Variants in CHRM3 observed in about 807,000 individuals in gnomAD.
CHRM3 encodes the protein cholinergic receptor muscarinic 3.
CHRM3 carries 11 observed loss-of-function variants against 41.8 expected under a neutral mutation model. The observed-to-expected ratio is 0.26, with a 90% CI of 0.17 to 0.44. The LOEUF is 0.44. Among genes scored for constraint, CHRM3 ranks in the 20% least tolerant of loss-of-function variants. The pLI is 1.00. For missense variants in CHRM3, 571 were observed against 745.4 expected, an observed-to-expected ratio of 0.77 and a Z score of 2.72; for synonymous variants, 297 against 301.4, an observed-to-expected ratio of 0.99 and a Z score of 0.15.
intron 5 of CHRM3, among the ~76,000 whole-genome samples, chr1:239,688,503 T>C (rs1263738936): frequency 7.1e-6 from 1 of 140,718 alleles, no homozygotes; most frequent in East Asian, 2.0e-4. Context: ...ATATATATTA[T>C]ATATGTTTAA....
At position 239,531,639 on chromosome 1, in the gene CHRM3, A is replaced by ATTTTTTTTTTTTTT. The variant is rs58433814; in HGVS notation, c.-421-13978_-421-13965dup. Among the ~76,000 whole-genome samples the ATTTTTTTTTTTTTT allele has an allele frequency of 5.4e-5, 3 of 55,900 alleles. 1 individual carries two copies. The highest frequency in any genetic ancestry group is 1.8e-4 in the African/African-American group (2 of 11,330). 36.7% of individuals were successfully genotyped at this position (55,900 alleles called of 152,430 possible). On this transcript the variant is annotated intron_variant, in intron 2 of 6. Transcript: ENST00000676153. ...ATAAAAACTAATCTCTCTAGAATGGATTTTTTTTTTTTTTTTTTTTTTTTT... is the reference window on the plus strand; with the variant it reads ...ATAAAAACTAATCTCTCTAGAATGGATTTTTTTTTTTTTTTTTTTTTTTTTTTTTTTTTTTTTTT...
At position 239,783,375 on chromosome 1, in the gene CHRM3, G is replaced by A. The variant is rs60809450; in HGVS notation, c.-146-43877G>A. ...TGGGAAAATACATATTATTATGTAT[G>A]TGTATCTATGTTGAAAATAGAATGG... On this transcript the variant is annotated intron_variant, in intron 5 of 6. Transcript: ENST00000676153. Among the ~76,000 whole-genome samples, 1,425 of 152,200 alleles carry A rather than the reference G, an allele frequency of 9.4e-3. 20 individuals are homozygous for A. The highest frequency in any genetic ancestry group is 0.032 in the African/African-American group (1,318 of 41,540).
intron 4 of CHRM3, among the ~76,000 whole-genome samples, chr1:239,642,409 G>A (rs1330990837): frequency 1.3e-5 from 2 of 152,120 alleles, no homozygotes; most frequent in Non-Finnish European, 2.9e-5. Context: ...ACACCAATCA[G>A]ATGTAGATTT....
chr1:239,490,017 A>T (rs150674064), intron 1 of CHRM3, among the ~76,000 whole-genome samples: 55 of 152,348 alleles, frequency 3.6e-4, no homozygotes, highest in African/African-American at 1.3e-3. Flanking sequence ...TGGGAACTTC[A>T]GCAAGTTATC....
Position 239,570,013 on chromosome 1 carries a change from G to A in CHRM3, c.-313+24264G>A, listed in dbSNP as rs182823394. On this transcript the variant is annotated intron_variant, in intron 3 of 6. Transcript: ENST00000676153. ...GATATTTATGTTTTTTTAAAAAACA[G>A]CAACAACAACAACAAAAGAAAGTTC... Among the ~76,000 whole-genome samples, 31 of 152,168 alleles carry A rather than the reference G, an allele frequency of 2.0e-4. No individual in the cohort carries two copies. In the Middle Eastern group the frequency reaches 0.01, roughly 50 times the overall value.
intron 6 of CHRM3, among the ~76,000 whole-genome samples, chr1:239,877,847 G>C (rs1278006953): frequency 6.6e-6 from 1 of 151,754 alleles, no homozygotes; most frequent in Non-Finnish European, 1.5e-5. Flanking sequence ...GTGGTTTCTG[G>C]ATGATTCAAG....
intron 2 of CHRM3, among the ~76,000 whole-genome samples, chr1:239,493,085 C>A (rs1667658829): frequency 6.6e-6 from 1 of 152,024 alleles, no homozygotes; most frequent in Non-Finnish European, 1.5e-5. Flanking sequence ...GAAGTTAGGC[C>A]ACAGATTTAG....
At chr1:239,840,791 T>C (rs1426764022) in intron 6 of CHRM3, among the ~76,000 whole-genome samples, 1 of 152,202 alleles carries the variant, frequency 6.6e-6, no homozygotes, top group African/African-American at 2.4e-5. Context: ...AGGGTTACCA[T>C]GGTGTTTTCT....
intron 5 of CHRM3, among the ~76,000 whole-genome samples, chr1:239,739,999 A>AT: frequency 6.6e-6 from 1 of 152,106 alleles, no homozygotes; most frequent in East Asian, 1.9e-4. Context: ...TGGAATGCAT[A>AT]TGCTAGCTTT....
At chr1:239,716,362 A>G (rs928407620) in intron 5 of CHRM3, among the ~76,000 whole-genome samples, 4 of 152,100 alleles carry the variant, frequency 2.6e-5, no homozygotes, top group African/African-American at 9.7e-5. Flanking sequence ...TGGGGTCTCC[A>G]TGATTGTGAC....
intron 1 of CHRM3, among the ~76,000 whole-genome samples, chr1:239,490,759 T>C (rs1363706115): frequency 1.3e-5 from 2 of 151,972 alleles, no homozygotes; most frequent in African/African-American, 4.8e-5. Flanking sequence ...TATTTTATAT[T>C]TATTTGAGAC....
intron 5 of CHRM3, among the ~76,000 whole-genome samples, chr1:239,815,061 C>G (rs549588352): frequency 6.6e-6 from 1 of 152,332 alleles, no homozygotes; most frequent in East Asian, 1.9e-4. Context: ...CAGGCATGAG[C>G]CACCATGCCC....
rs1680556065 is a variant in CHRM3, at chr1:239,914,768, C to G, written c.*5544C>G. ...GTGCAAGTGAAGATCTGTAGTTTGG[C>G]TTAAAAATCCTTGCATGTAGTTTTG... On this transcript the variant is annotated 3_prime_UTR_variant, in exon 7 of 7. Transcript: ENST00000676153. 1 of 167,078 alleles carries G rather than the reference C, an allele frequency of 6.0e-6. No individual in the cohort carries two copies. The highest frequency in any genetic ancestry group is 1.9e-4 in the East Asian group (1 of 5,190). The allele number at this position is 167,078 out of a possible 1,614,324, so 10.3% of individuals were successfully genotyped here.
At position 239,714,768 on chromosome 1, in the gene CHRM3, G is replaced by A. The variant is rs140660921; in HGVS notation, c.-147+36480G>A. Among the ~76,000 whole-genome samples the A allele has an allele frequency of 9.0e-3, 1,364 of 152,230 alleles. 18 individuals carry two copies. Among genetic ancestry groups the A allele is most frequent in the African/African-American group, 0.031 (1,293 of 41,526 alleles). On this transcript the variant is annotated intron_variant, in intron 5 of 6. Transcript: ENST00000676153. ...ACTGAGGGGCAGGAGAACCAGAGTA[G>A]GTGAGGTGACAAGGAAGGAGGCAAA...
At chr1:239,869,120 C>G (rs144713656) in intron 6 of CHRM3, among the ~76,000 whole-genome samples, 1 of 152,056 alleles carries the variant, frequency 6.6e-6, no homozygotes, top group Non-Finnish European at 1.5e-5. Flanking sequence ...GTTTGCCCCA[C>G]GCTGAAACAG....
At chr1:239,708,964 G>A (rs1661486762) in intron 5 of CHRM3, among the ~76,000 whole-genome samples, 1 of 151,446 alleles carries the variant, frequency 6.6e-6, no homozygotes, top group African/African-American at 2.4e-5. Context: ...TGTTTAGGGG[G>A]TAAAAGCTTT....
chr1:239,441,146 G>C (rs1371094588), intron 1 of CHRM3, among the ~76,000 whole-genome samples: 1 of 152,098 alleles, frequency 6.6e-6, no homozygotes, highest in African/African-American at 2.4e-5. Flanking sequence ...ATGATTTAAG[G>C]TACGCATCAT....
intron 1 of CHRM3, among the ~76,000 whole-genome samples, chr1:239,393,077 T>G (rs550623463): frequency 1.3e-5 from 2 of 152,214 alleles, no homozygotes; most frequent in South Asian, 4.1e-4. Flanking sequence ...GGAAGATCAC[T>G]TGAGGCCAGG....
chr1:239,605,205 C>T (rs1296967424), intron 3 of CHRM3, among the ~76,000 whole-genome samples: 1 of 152,114 alleles, frequency 6.6e-6, no homozygotes, highest in East Asian at 1.9e-4. Context: ...CAGTTATGTG[C>T]CACATACTGA....
Sources: gnomAD v4.1 joint callset for allele counts (sites outside exome capture counted in the v4.1 genomes callset) on GRCh38, gnomAD v4.1.1 for gene constraint, MANE v1.5 for transcripts, NCBI Gene and HGNC (gene_info 2026-07-23, HGNC 2026-07-21) for gene names.